Variants in CDH13 observed in about 807,000 individuals in gnomAD.
CDH13 encodes cadherin 13.
CDH13 carries 24 observed loss-of-function variants against 63.8 expected under a neutral mutation model. The observed-to-expected ratio is 0.38, with a 90% confidence interval of 0.27 to 0.53. The LOEUF (loss-of-function observed/expected upper bound fraction) is 0.53. CDH13 is among the 20% of genes least tolerant of loss of function. The pLI is 0.85. For synonymous variants in CDH13, 503 were observed against 355.3 expected, an observed-to-expected ratio of 1.42 and a Z score of -4.67; for missense variants, 1,049 against 903.1, an observed-to-expected ratio of 1.16 and a Z score of -2.07.
At chr16:82,789,852 A>G (rs1283921297) in intron 1 of CDH13, among the ~76,000 whole-genome samples, 4 of 152,144 alleles carry the variant, frequency 2.6e-5, no homozygotes, top group African/African-American at 9.7e-5. Context: ...GCCTGTCCAC[A>G]GAGCATCTCC....
At chr16:82,655,949 C>T (rs79943034) in intron 1 of CDH13, among the ~76,000 whole-genome samples, 2 of 152,198 alleles carry the variant, frequency 1.3e-5, no homozygotes, top group East Asian at 3.9e-4. Context: ...TGAGGTTTGG[C>T]ACCACCTAGA....
chr16:82,686,630 C>G (rs191422217), intron 1 of CDH13, among the ~76,000 whole-genome samples: 64 of 152,168 alleles, frequency 4.2e-4, no homozygotes, highest in African/African-American at 1.4e-3. Flanking sequence ...TGAGAATATT[C>G]CTTTCCTCAA....
chr16:83,287,859 A>G (rs2089360774), intron 5 of CDH13, among the ~76,000 whole-genome samples: 1 of 152,184 alleles, frequency 6.6e-6, no homozygotes, highest in Non-Finnish European at 1.5e-5. Flanking sequence ...TAGCATTGTA[A>G]TGTAACATTT....
intron 1 of CDH13, among the ~76,000 whole-genome samples, chr16:82,740,090 G>C (rs537160825): frequency 1.3e-5 from 2 of 152,050 alleles, no homozygotes; most frequent in Admixed American, 6.6e-5. Flanking sequence ...TAAAACCTCC[G>C]TGCCACTCAA....
chr16:83,249,326 G>A (rs1190427329), intron 5 of CDH13, among the ~76,000 whole-genome samples: 3 of 152,194 alleles, frequency 2.0e-5, no homozygotes, highest in Non-Finnish European at 4.4e-5. Flanking sequence ...ACTGTAGCTT[G>A]ATATCAGCCA....
intron 5 of CDH13, among the ~76,000 whole-genome samples, chr16:83,265,002 C>T (rs914175945): frequency 3.3e-5 from 5 of 152,028 alleles, no homozygotes; most frequent in African/African-American, 1.2e-4. Flanking sequence ...TTTGTTTTTC[C>T]AGGTGTTAAT....
chr16:82,988,289 G>A (rs898643384), intron 2 of CDH13, among the ~76,000 whole-genome samples: 4 of 152,184 alleles, frequency 2.6e-5, no homozygotes, highest in Admixed American at 1.3e-4. Flanking sequence ...TGCACTGGGG[G>A]CATCCAAGGT....
intron 1 of CDH13, among the ~76,000 whole-genome samples, chr16:82,705,902 A>G (rs959636991): frequency 1.3e-5 from 2 of 152,198 alleles, no homozygotes; most frequent in African/African-American, 2.4e-5. Context: ...GTCATCTGGC[A>G]TATTATTTAA....
chr16:83,412,674 C>G (rs963491271), intron 6 of CDH13, among the ~76,000 whole-genome samples: 2 of 152,112 alleles, frequency 1.3e-5, no homozygotes, highest in African/African-American at 4.8e-5. Flanking sequence ...GGTAGACACT[C>G]TGACAAGAAT....
intron 10 of CDH13, among the ~76,000 whole-genome samples, chr16:83,734,900 G>A (rs1911393166): frequency 6.6e-6 from 1 of 151,566 alleles, no homozygotes; most frequent in South Asian, 2.1e-4. Context: ...GATTTTATCT[G>A]GGAGACCTGA....
At chr16:83,084,629 C>G (rs377742725) in intron 3 of CDH13, among the ~76,000 whole-genome samples, 1 of 152,198 alleles carries the variant, frequency 6.6e-6, no homozygotes, top group Admixed American at 6.5e-5. Flanking sequence ...TGGCTCATGC[C>G]TGTAATCCCA....
Position 82,867,131 on chromosome 16 carries a change from G to A in CDH13, c.157+8658G>A, listed in dbSNP as rs11150504. ...TCTTAGGGGAAAGGTACTCTCATCT[G>A]CCCATTTTACAGGTGAGGACATTTA... On this transcript the variant is annotated intron_variant, in intron 2 of 13. Coordinates refer to ENST00000567109, the MANE Select transcript of CDH13 (RefSeq NM_001257.5). Among the ~76,000 whole-genome samples the A allele has an allele frequency of 1.8e-3, 273 of 152,230 alleles. 3 individuals carry two copies. The highest frequency in any genetic ancestry group is 2.7e-3 in the Non-Finnish European group (182 of 68,006).
intron 3 of CDH13, among the ~76,000 whole-genome samples, chr16:83,069,805 C>T (rs561539636): frequency 2.0e-5 from 3 of 152,252 alleles, no homozygotes; most frequent in South Asian, 4.1e-4. Context: ...AGATTTAACA[C>T]GATAGGCTCT....
At chr16:83,415,396 A>G (rs2092185375) in intron 6 of CDH13, among the ~76,000 whole-genome samples, 1 of 152,188 alleles carries the variant, frequency 6.6e-6, no homozygotes, top group Non-Finnish European at 1.5e-5. Flanking sequence ...AGAGGGAGTG[A>G]CACTTCCAAA....
At chr16:83,551,683 C>G (rs1293913060) in intron 7 of CDH13, among the ~76,000 whole-genome samples, 1 of 152,122 alleles carries the variant, frequency 6.6e-6, no homozygotes, top group African/African-American at 2.4e-5. Context: ...ATCTGGGGAC[C>G]TTTTTCTGAT....
intron 5 of CDH13, among the ~76,000 whole-genome samples, chr16:83,297,007 C>T (rs747634200): frequency 3.3e-5 from 5 of 152,058 alleles, no homozygotes; most frequent in Non-Finnish European, 5.9e-5. Context: ...TGGGAAATCG[C>T]TCTGAAGAAG....
At chr16:82,660,504 A>T (rs1436360431) in intron 1 of CDH13, among the ~76,000 whole-genome samples, 1 of 152,166 alleles carries the variant, frequency 6.6e-6, no homozygotes, top group Non-Finnish European at 1.5e-5. Context: ...AAACCATCTA[A>T]CAGAGGCACA....
At chr16:83,504,705 G>T (rs1211796294) in intron 7 of CDH13, among the ~76,000 whole-genome samples, 6 of 152,182 alleles carry the variant, frequency 3.9e-5, no homozygotes, top group Non-Finnish European at 2.9e-5. Flanking sequence ...AGACAGAGTG[G>T]CTCAGGCCCT....
In CDH13 at chr16:82,644,273, C is replaced by A. The variant is rs1043752621; in HGVS notation, c.45+17136C>A. Among the ~76,000 whole-genome samples, 2 of 152,116 alleles carry A rather than the reference C, an allele frequency of 1.3e-5. No individual in the cohort carries two copies. Among genetic ancestry groups the A allele is most frequent in the African/African-American group, 2.4e-5 (1 of 41,420 alleles). On this transcript the variant is annotated intron_variant, in intron 1 of 13. Transcript: ENST00000567109. The surrounding 1 kb of genome is among the most constrained non-coding windows in gnomAD (Gnocchi z 5.7). ...TCTAAGGCTGGGAAAGGAGCTCCCACTTCTTACATTCAGTGCTCATCACTC... is the reference window on the plus strand; with the variant it reads ...TCTAAGGCTGGGAAAGGAGCTCCCAATTCTTACATTCAGTGCTCATCACTC...
Sources: gnomAD v4.1 joint callset for allele counts (sites outside exome capture counted in the v4.1 genomes callset) on GRCh38, gnomAD v4.1.1 for gene constraint, Gnocchi (gnomAD v3.1) non-coding constraint, MANE v1.5 for transcripts, NCBI Gene and HGNC (gene_info 2026-07-23, HGNC 2026-07-21) for gene names.